The following UTP6 variants were observed in gnomAD, a reference collection of about 807,000 sequenced individuals.
UTP6 encodes UTP6 small subunit processome component, also known as U3 small nucleolar RNA-associated protein 6 homolog.
UTP6 carries 60 observed loss-of-function variants against 96.5 expected under a neutral mutation model. The ratio of observed to expected loss-of-function variants is 0.62; its 90% CI spans 0.51 to 0.77. The LOEUF (loss-of-function observed/expected upper bound fraction) is 0.77. Ranked by LOEUF, UTP6 falls within the 30% of genes least tolerant of loss-of-function variation. The pLI is 0.00. For synonymous variants in UTP6, 215 were observed against 240.1 expected, an observed-to-expected ratio of 0.90 and a Z score of 0.96; for missense variants, 637 against 706.5, an observed-to-expected ratio of 0.90 and a Z score of 1.12.
rs138959717 is a variant in UTP6, at chr17:31,884,477, C to A, written c.732G>T (p.Ser244=). Residue 244 remains serine (S), a synonymous_variant, in exon 10 of 19, where the codon TCG becomes TCT. Coordinates refer to ENST00000261708, the MANE Select transcript of UTP6 (RefSeq NM_018428.3). ...TGGCAAAGTCAAATAGCTGTGCAAT[C>A]GAAAGCAGTGACACGTGAAATTCTG... ...KGAEFHVSLL[S]IAQLFDFAKD... The A allele has an allele frequency of 6.2e-7, 1 of 1,611,904 alleles. No individual in the cohort carries two copies. The highest frequency in any genetic ancestry group is 8.5e-7 in the Non-Finnish European group (1 of 1,179,204).
chr17:31,876,736 G>C (rs530616701), intron 13 of UTP6, among the ~76,000 whole-genome samples: 1 of 152,050 alleles, frequency 6.6e-6, no homozygotes, highest in East Asian at 1.9e-4. Flanking sequence ...AATAGGCTGC[G>C]CTCAGTGGCT....
Position 31,877,899 on chromosome 17 carries a change from A to G in UTP6, c.1125+351T>C, listed in dbSNP as rs144515341. Among the ~76,000 whole-genome samples the G allele has an allele frequency of 4.0e-3, 604 of 151,408 alleles. 4 individuals carry two copies. Among genetic ancestry groups the G allele is most frequent in the African/African-American group, 0.014 (577 of 41,260 alleles). ...CAAGAATCACTTGAACCCAAGAGGC[A>G]GAGGATGCAGTGAGCTGAGATCGCG... is the stretch of plus-strand genomic sequence containing the variant. On this transcript the variant is annotated intron_variant, in intron 13 of 18. Coordinates refer to ENST00000261708, the MANE Select transcript of UTP6 (RefSeq NM_018428.3).
chr17:31,874,780 A>ATAT (rs1239827813), intron 14 of UTP6, among the ~76,000 whole-genome samples: 2 of 151,802 alleles, frequency 1.3e-5, no homozygotes, highest in Non-Finnish European at 2.9e-5. Context: ...AAAATAGAAA[A>ATAT]TATTAGTCAG....
chr17:31,876,339 T>G (rs1910502532), intron 13 of UTP6, among the ~76,000 whole-genome samples: 3 of 144,070 alleles, frequency 2.1e-5, no homozygotes, highest in Admixed American at 6.9e-5. Context: ...GCCCAGCATA[T>G]AAGTTTTTAA....
chr17:31,862,010 TCCAGG>T lies in UTP6; in HGVS notation c.*1344_*1348del, dbSNP rs1415996620. The T allele has an allele frequency of 6.6e-6, 1 of 152,158 alleles. No homozygotes were observed. The highest frequency in any genetic ancestry group is 1.9e-4 in the East Asian group (1 of 5,198). The allele number at this position is 152,158 out of a possible 1,614,324, so 9.4% of individuals were successfully genotyped here. A position where few individuals can be genotyped will look rare whatever the true frequency, so the allele number is the denominator to read the frequency against. ...TTTTTAAAAAAATTAGAAATGACAG[TCCAGG>T]CCAGGCTTAGTGGTTCACGCCTGTA... On this transcript the variant is annotated 3_prime_UTR_variant, in exon 19 of 19. Transcript: ENST00000261708.
intron 16 of UTP6, among the ~76,000 whole-genome samples, chr17:31,871,194 G>T (rs766424569): frequency 6.7e-6 from 1 of 149,826 alleles, no homozygotes; most frequent in Non-Finnish European, 1.5e-5. Context: ...GGGTTTCATC[G>T]TGTTAGCCAG....
chr17:31,879,532 C>G (rs544550040), intron 11 of UTP6, among the ~76,000 whole-genome samples: 1 of 151,452 alleles, frequency 6.6e-6, no homozygotes, highest in African/African-American at 2.4e-5. Flanking sequence ...ATTGGCCTGG[C>G]GTGGAGGCAT....
At chr17:31,866,950 A>G (rs1219574469) in intron 17 of UTP6, among the ~76,000 whole-genome samples, 1 of 151,822 alleles carries the variant, frequency 6.6e-6, no homozygotes, top group Non-Finnish European at 1.5e-5. Flanking sequence ...TGCATGAAAA[A>G]CAGAATCACA....
chr17:31,870,593 C>G (rs1910104753), intron 16 of UTP6, among the ~76,000 whole-genome samples: 1 of 150,804 alleles, frequency 6.6e-6, no homozygotes, highest in Admixed American at 6.7e-5. Flanking sequence ...GCAATCTCAG[C>G]TCACTGCAAG....
At chr17:31,868,510 T>C (rs1248238122) in intron 16 of UTP6, among the ~76,000 whole-genome samples, 1 of 151,750 alleles carries the variant, frequency 6.6e-6, no homozygotes, top group Non-Finnish European at 1.5e-5. Flanking sequence ...TTGAAATTTT[T>C]TGTAGAGAAG....
chr17:31,875,327 T>A lies in UTP6; in HGVS notation c.1212A>T (p.Thr404=), dbSNP rs776913674. Reference sequence around the variant, plus strand: ...GCACCTGCAGCTTCAGCTGCCACATTGTCCCAGAGTCTCTAAACAATTCAG... The same window carrying A: ...GCACCTGCAGCTTCAGCTGCCACATAGTCCCAGAGTCTCTAAACAATTCAG... ...AGTELFRDSG[T]MWQLKLQVLI... Residue 404 remains threonine, a synonymous_variant, in exon 14 of 19, where the codon ACA becomes ACT. Coordinates refer to ENST00000261708, the MANE Select transcript of UTP6 (RefSeq NM_018428.3). 1 of 1,614,236 alleles carries A rather than the reference T, an allele frequency of 6.2e-7. No individual in the cohort carries two copies. Among genetic ancestry groups the A allele is most frequent in the Non-Finnish European group, 8.5e-7 (1 of 1,180,038 alleles).
At chr17:31,892,891 G>C in intron 4 of UTP6, 97 bp from the exon 5 acceptor site, 2 of 1,409,068 alleles carry the variant, frequency 1.4e-6, no homozygotes, top group Non-Finnish European at 2.0e-6. Flanking sequence ...GCAAATTTCA[G>C]GTTGGATGCG....
In UTP6 at chr17:31,866,887, CAAAAAAAAAA is replaced by C. The variant is rs56235737; in HGVS notation, c.1563+1149_1563+1158del. Among the ~76,000 whole-genome samples the C allele has an allele frequency of 4.8e-4, 21 of 43,570 alleles. No individual in the cohort carries two copies. The South Asian group carries it at 5.9e-3, about 12-fold the overall frequency. The allele number at this position is 43,570 out of a possible 152,430, so 28.6% of individuals were successfully genotyped here. On this transcript the variant is annotated intron_variant, in intron 17 of 18. Transcript: ENST00000261708. ...GCAACAGACAGCAAGACTCTTGTCT[CAAAAAAAAAA>C]AAAAAAAAAAAAAAAAGTCAATTTA...
intron 10 of UTP6, among the ~76,000 whole-genome samples, chr17:31,883,654 A>G (rs1910974860): frequency 6.6e-6 from 1 of 151,374 alleles, no homozygotes; most frequent in Admixed American, 6.6e-5. Flanking sequence ...TTCCCCCAGT[A>G]AGTGAATCAA....
chr17:31,863,090 C>T lies in UTP6; in HGVS notation c.*269G>A. ...GAGCAGTGTCATGCACCTATAATCC[C>T]AGCTACTCAGGAGTCTGAGGTGAGA... On this transcript the variant is annotated 3_prime_UTR_variant, in exon 19 of 19. Transcript: ENST00000261708. 1 of 420,148 alleles carries T rather than the reference C, an allele frequency of 2.4e-6. No individual in the cohort carries two copies. The highest frequency in any genetic ancestry group is 4.3e-6 in the Non-Finnish European group (1 of 233,308). The allele number at this position is 420,148 out of a possible 1,614,324, so 26.0% of individuals were successfully genotyped here.
At chr17:31,876,076 C>T (rs2142299153) in intron 13 of UTP6, among the ~76,000 whole-genome samples, 1 of 151,756 alleles carries the variant, frequency 6.6e-6, no homozygotes. Flanking sequence ...CTCTGTAACC[C>T]AGCCTGGAGT....
At chr17:31,896,661 G>C (rs1253266194) in intron 2 of UTP6, among the ~76,000 whole-genome samples, 1 of 142,232 alleles carries the variant, frequency 7.0e-6, no homozygotes, top group African/African-American at 2.7e-5. Context: ...TTTTTTTTGA[G>C]ACAGGGTCTC....
chr17:31,874,575 G>C (rs925743179), intron 14 of UTP6, among the ~76,000 whole-genome samples: 6 of 151,692 alleles, frequency 4.0e-5, no homozygotes, highest in African/African-American at 1.5e-4. Flanking sequence ...CAAATGAGCA[G>C]TAGTTTTTTT....
Position 31,880,713 on chromosome 17 carries a change from T to C in UTP6, c.827A>G (p.Tyr276Cys). Residue 276 changes from tyrosine to cysteine, a missense_variant, in exon 11 of 19, where the codon TAT (tyrosine) becomes TGT (cysteine). Transcript: ENST00000261708. ...LHTDDPLTWD[Y>C]VARRELEIES... ...AATCTCTAATTCTCGCCTTGCCACA[T>C]AATCCCAAGTGAGAGGATCATCTGT... 1 of 1,614,162 alleles carries C rather than the reference T, an allele frequency of 6.2e-7. No individual in the cohort carries two copies. The highest frequency in any genetic ancestry group is 8.5e-7 in the Non-Finnish European group (1 of 1,180,018).
Sources: allele counts gnomAD v4.1 joint callset (sites outside exome capture counted in the v4.1 genomes callset), GRCh38; gene constraint gnomAD v4.1.1; transcripts MANE v1.5; gene names NCBI Gene and HGNC (gene_info 2026-07-23, HGNC 2026-07-21).